TOX: variants seen among roughly 807,000 people sequenced by gnomAD.
TOX encodes the protein thymocyte selection associated high mobility group box.
In TOX, 11 loss-of-function variants were observed where a neutral mutation model predicts 53.7. The observed-to-expected ratio is 0.20, with a 90% confidence interval of 0.13 to 0.34. The LOEUF is 0.34. Ranked by LOEUF, TOX falls within the 10% of genes least tolerant of loss-of-function variation. The probability of loss-of-function intolerance (pLI) is 1.00; values close to 1 mark genes in which losing one functional copy is unlikely to be tolerated. For missense variants in TOX, 570 were observed against 664.6 expected (o/e 0.86, Z 1.56); for synonymous variants, 225 against 245.3 (o/e 0.92, Z 0.77).
At chr8:58,844,673 T>C (rs1298995246) in intron 4 of TOX, among the ~76,000 whole-genome samples, 1 of 152,080 alleles carries the variant, frequency 6.6e-6, no homozygotes, top group Admixed American at 6.6e-5. Flanking sequence ...GAAACAAACA[T>C]AGAAATTGTA....
chr8:58,815,754 G>A, intron 6 of TOX, 30 bp from the exon 7 acceptor site: 1 of 1,572,678 alleles, frequency 6.4e-7, no homozygotes, highest in South Asian at 1.2e-5. Context: ...GCAGAGTTGG[G>A]AGGCTGATAC....
At chr8:59,036,775 T>C (rs1439126397) in intron 1 of TOX, among the ~76,000 whole-genome samples, 1 of 152,230 alleles carries the variant, frequency 6.6e-6, no homozygotes, top group Non-Finnish European at 1.5e-5. Flanking sequence ...GGTATGTGTG[T>C]ATGTGTGTGA....
At chr8:59,054,075 T>C (rs1000803096) in intron 1 of TOX, among the ~76,000 whole-genome samples, 5 of 152,168 alleles carry the variant, frequency 3.3e-5, no homozygotes, top group Non-Finnish European at 5.9e-5. Context: ...TAATCTCCTA[T>C]TCAGTGTGCA....
Position 59,106,442 on chromosome 8 carries a change from G to C in TOX, c.102+12444C>G, listed in dbSNP as rs772059085. On this transcript the variant is annotated intron_variant, in intron 1 of 8. Coordinates refer to ENST00000361421, the MANE Select transcript of TOX (RefSeq NM_014729.3). ...CATCCAAGTATATTATAAGTACAGAGAGTAAAAGAAAGAAATCTCAAAATA... is the reference window on the plus strand; with the variant it reads ...CATCCAAGTATATTATAAGTACAGACAGTAAAAGAAAGAAATCTCAAAATA... Among the ~76,000 whole-genome samples, 3 of 152,122 alleles carry C rather than the reference G, an allele frequency of 2.0e-5. 1 individual carries two copies. The highest frequency in any genetic ancestry group is 4.4e-5 in the Non-Finnish European group (3 of 68,006).
Position 59,096,028 on chromosome 8 carries a change from C to A in TOX, c.102+22858G>T, listed in dbSNP as rs538825582. Among the ~76,000 whole-genome samples the A allele has an allele frequency of 8.5e-5, 13 of 152,300 alleles. No individual in the cohort carries two copies. In the South Asian group the frequency reaches 2.7e-3, roughly 32 times the overall value. On this transcript the variant is annotated intron_variant, in intron 1 of 8. Coordinates refer to ENST00000361421, the MANE Select transcript of TOX (RefSeq NM_014729.3). ...GAAATCCAAATGTCCAACTCCCCAC[C>A]TCTCCCCAACAGTGTTGTTATTCAT...
chr8:58,966,864 C>A (rs1245447212), intron 1 of TOX, among the ~76,000 whole-genome samples: 1 of 144,770 alleles, frequency 6.9e-6, no homozygotes. Context: ...ACTTATGATT[C>A]AAGTTATTCT....
chr8:58,857,276 C>T (rs564397229), intron 3 of TOX, among the ~76,000 whole-genome samples: 1 of 152,196 alleles, frequency 6.6e-6, no homozygotes, highest in African/African-American at 2.4e-5. Flanking sequence ...GTGTGTGTTC[C>T]TCATTTTGTT....
At chr8:58,853,914 A>G (rs1297866792) in intron 3 of TOX, among the ~76,000 whole-genome samples, 1 of 152,190 alleles carries the variant, frequency 6.6e-6, no homozygotes, top group Non-Finnish European at 1.5e-5. Flanking sequence ...CAGAAGAGAC[A>G]GTGTATACTA....
intron 2 of TOX, among the ~76,000 whole-genome samples, chr8:58,951,596 G>C (rs937775224): frequency 6.6e-6 from 1 of 152,138 alleles, no homozygotes; most frequent in South Asian, 2.1e-4. Flanking sequence ...TTTCCTCCAA[G>C]GTTACTCTCT....
chr8:58,903,697 G>A (rs1391440753), intron 3 of TOX, among the ~76,000 whole-genome samples: 5 of 152,128 alleles, frequency 3.3e-5, no homozygotes, highest in African/African-American at 1.2e-4. Context: ...TAGAATTTTT[G>A]AACAGGAGGT....
chr8:58,882,635 T>C (rs1189795212), intron 3 of TOX, among the ~76,000 whole-genome samples: 1 of 152,154 alleles, frequency 6.6e-6, no homozygotes, highest in Non-Finnish European at 1.5e-5. Flanking sequence ...GTCACTATAA[T>C]TTTGAAAAAA....
At chr8:58,831,346 G>A (rs1462029528) in intron 5 of TOX, among the ~76,000 whole-genome samples, 1 of 152,150 alleles carries the variant, frequency 6.6e-6, no homozygotes, top group Non-Finnish European at 1.5e-5. Flanking sequence ...ACTGTGGTGT[G>A]AGGCACCGAT....
Position 58,935,195 on chromosome 8 carries a change from AAC to A in TOX, c.411+4105_411+4106del, listed in dbSNP as rs549053793. Among the ~76,000 whole-genome samples, 333 of 152,294 alleles carry A rather than the reference AAC, an allele frequency of 2.2e-3. 3 individuals carry two copies. The highest frequency in any genetic ancestry group is 7.4e-3 in the African/African-American group (308 of 41,556). ...ACATTATAATAATTGATATATAAGTAACACATCTATAATATCTCATAATTCAT... is the reference window on the plus strand; with the variant it reads ...ACATTATAATAATTGATATATAAGTAACATCTATAATATCTCATAATTCAT... On this transcript the variant is annotated intron_variant, in intron 3 of 8. Transcript: ENST00000361421.
intron 1 of TOX, among the ~76,000 whole-genome samples, chr8:59,062,768 T>A (rs986415768): frequency 6.6e-6 from 1 of 151,976 alleles, no homozygotes; most frequent in African/African-American, 2.4e-5. Context: ...TGACAATTAT[T>A]TGGAAAAGAG....
In TOX at chr8:59,093,959, G is replaced by A. The variant is rs182223573; in HGVS notation, c.102+24927C>T. 5.3e-5 allele frequency among the ~76,000 whole-genome samples: 8 copies of A among 152,166 alleles called. No individual in the cohort carries two copies. The East Asian group carries it at 9.7e-4, about 18-fold the overall frequency. On this transcript the variant is annotated intron_variant, in intron 1 of 8. Transcript: ENST00000361421. ...AAGACAAGTATTTGCCTACAACATC[G>A]AAATATCAAGAGTGATGGCTGTATT... is the stretch of plus-strand genomic sequence containing the variant.
At chr8:58,869,217 C>T (rs1216804338) in intron 3 of TOX, among the ~76,000 whole-genome samples, 1 of 123,458 alleles carries the variant, frequency 8.1e-6, no homozygotes, top group African/African-American at 3.1e-5. Flanking sequence ...CAGAGCGAGA[C>T]TGCGTCTCAA....
rs749665753 is a variant in TOX, at chr8:58,815,737, T to C, written c.1006-13A>G. The C allele has an allele frequency of 4.4e-6, 7 of 1,592,330 alleles. No individual in the cohort carries two copies. Among genetic ancestry groups the C allele is most frequent in the East Asian group, 2.2e-5 (1 of 44,678 alleles). ...GTTCACTGTAGCTCTGTTGAGGAAATAAATGAGCAGAGTTGGGAGGCTGAT... is the reference window on the plus strand; with the variant it reads ...GTTCACTGTAGCTCTGTTGAGGAAACAAATGAGCAGAGTTGGGAGGCTGAT... On this transcript the variant is annotated splice_polypyrimidine_tract_variant and intron_variant, in intron 6 of 8. Transcript: ENST00000361421.
chr8:59,011,539 T>C (rs1336485719), intron 1 of TOX, among the ~76,000 whole-genome samples: 1 of 151,982 alleles, frequency 6.6e-6, no homozygotes, highest in African/African-American at 2.4e-5. Flanking sequence ...TGTCCAGCAA[T>C]CTCTTTAGTA....
At chr8:59,093,102 C>T (rs1302808544) in intron 1 of TOX, among the ~76,000 whole-genome samples, 1 of 152,206 alleles carries the variant, frequency 6.6e-6, no homozygotes, top group East Asian at 1.9e-4. Flanking sequence ...TGAGCACTTT[C>T]TTCAGGGACA....
Sources: allele counts gnomAD v4.1 joint callset (sites outside exome capture counted in the v4.1 genomes callset), GRCh38; gene constraint gnomAD v4.1.1; transcripts MANE v1.5; gene names NCBI Gene and HGNC (gene_info 2026-07-23, HGNC 2026-07-21).